Variants in P4HA3 observed in about 807,000 individuals in gnomAD.
P4HA3 encodes prolyl 4-hydroxylase subunit alpha 3, also known as prolyl 4-hydroxylase subunit alpha-3.
A neutral mutation model predicts 66.7 loss-of-function variants in P4HA3; 60 were observed. The ratio of observed to expected loss-of-function variants is 0.90; its 90% CI spans 0.73 to 1.12. P4HA3 has a LOEUF of 1.12. Among genes scored for constraint, P4HA3 ranks in the 50% most tolerant of loss-of-function variants. The pLI is 0.00. For missense variants in P4HA3, 683 were observed against 685.8 expected, an observed-to-expected ratio of 1.00 and a Z score of 0.05; for synonymous variants, 263 against 274.6, an observed-to-expected ratio of 0.96 and a Z score of 0.42.
intron 4 of P4HA3, among the ~76,000 whole-genome samples, chr11:74,291,449 C>A (rs1006909619): frequency 3.3e-5 from 5 of 152,172 alleles, no homozygotes; most frequent in Non-Finnish European, 7.3e-5. Context: ...CCTTCTCCTG[C>A]CTGATTGCCC....
At chr11:74,310,837 A>G (rs1861716900) in intron 1 of P4HA3, among the ~76,000 whole-genome samples, 1 of 152,104 alleles carries the variant, frequency 6.6e-6, no homozygotes, top group Admixed American at 6.5e-5. Flanking sequence ...CTGTCACCTG[A>G]CTCCTAACAC....
At chr11:74,290,357 T>C (rs1036484396) in intron 4 of P4HA3, among the ~76,000 whole-genome samples, 20 of 151,554 alleles carry the variant, frequency 1.3e-4, no homozygotes, top group Non-Finnish European at 2.8e-4. Flanking sequence ...CTTTGTCAGA[T>C]GAGTAGGTTG....
chr11:74,307,491 T>A (rs994495227), intron 1 of P4HA3, among the ~76,000 whole-genome samples: 2 of 152,208 alleles, frequency 1.3e-5, no homozygotes, highest in African/African-American at 4.8e-5. Context: ...AGCACATCAA[T>A]TCAATCCAGT....
intron 10 of P4HA3, 84 bp downstream of exon 10, chr11:74,273,457 AAATC>A: frequency 1.6e-6 from 2 of 1,239,682 alleles, no homozygotes; most frequent in East Asian, 5.5e-5. Flanking sequence ...GTACCAGATA[AAATC>A]AATACGTGAA....
At chr11:74,250,953 G>T in intron 15 of P4HA3, 1 of 1,597,486 alleles carries the variant, frequency 6.3e-7, no homozygotes, top group Non-Finnish European at 8.5e-7. Context: ...TTCCTCTCCA[G>T]GGAAGTTCCA....
At position 74,273,599 on chromosome 11, in the gene P4HA3, G is replaced by C. The variant is rs1053706332; in HGVS notation, c.1344C>G (p.Ser448Arg). The change falls in exon 10 of 13, where the codon AGC (serine) becomes AGG (arginine). Residue 448 changes from serine to arginine, a missense_variant. Ser to Arg is a moderately radical substitution (Grantham distance 110). Coordinates refer to ENST00000331597, the MANE Select transcript of P4HA3 (RefSeq NM_182904.5). ...CTGACTTCATTCTGTAGAGGGGGCTGCTTGGTGACTGAGAAAAAAAAAAAC... is the reference window on the plus strand; with the variant it reads ...CTGACTTCATTCTGTAGAGGGGGCTCCTTGGTGACTGAGAAAAAAAAAAAC... ...EPHFDHATSP[S>R]SPLYRMKSGN... The C allele has an allele frequency of 6.4e-7, 1 of 1,559,070 alleles. No homozygotes were observed. The highest frequency in any genetic ancestry group is 8.6e-7 in the Non-Finnish European group (1 of 1,158,366).
Position 74,255,513 on chromosome 11 carries a change from TTCTC to T in P4HA3, c.*1318+4406_*1318+4409del, listed in dbSNP as rs1021072717. Reference sequence around the variant, plus strand: ...ACACTGTATGGTATGGCAACAAACTTTCTCTCTGCTGTAGTTCACTCATCTGAAA... The same window carrying T: ...ACACTGTATGGTATGGCAACAAACTTTCTGCTGTAGTTCACTCATCTGAAA... On this transcript the variant is annotated intron_variant and NMD_transcript_variant, in intron 15 of 15. Transcript: ENST00000524388. 3.9e-5 allele frequency among the ~76,000 whole-genome samples: 6 copies of T among 152,306 alleles called. No individual in the cohort carries two copies. The South Asian group carries it at 1.2e-3, about 32-fold the overall frequency.
At chr11:74,305,977 G>T (rs560635958) in intron 1 of P4HA3, among the ~76,000 whole-genome samples, 7 of 152,224 alleles carry the variant, frequency 4.6e-5, no homozygotes, top group African/African-American at 1.7e-4. Flanking sequence ...TGATTAATTT[G>T]GCCAGAGCAG....
chr11:74,252,138 G>T (rs1420066794), intron 15 of P4HA3, among the ~76,000 whole-genome samples: 1 of 139,334 alleles, frequency 7.2e-6, no homozygotes, highest in East Asian at 2.1e-4. Context: ...GCACAGTCTT[G>T]GTTCACTGCA....
rs544621336 is a variant in P4HA3, at chr11:74,258,632, T to G, written c.*1318+1291A>C. Among the ~76,000 whole-genome samples, 5 of 151,936 alleles carry G rather than the reference T, an allele frequency of 3.3e-5. No homozygotes were observed. In the South Asian group the frequency reaches 1.0e-3, roughly 32 times the overall value. On this transcript the variant is annotated intron_variant and NMD_transcript_variant, in intron 15 of 15. Transcript: ENST00000524388. Reference sequence around the variant, plus strand: ...TCAGGCCACCTGACTTCCAGACGAGTGCCTTTTTAGTCCCACACCATAGCA... The same window carrying G: ...TCAGGCCACCTGACTTCCAGACGAGGGCCTTTTTAGTCCCACACCATAGCA...
At chr11:74,252,671 A>G (rs976043051) in intron 15 of P4HA3, 9 of 388,838 alleles carry the variant, frequency 2.3e-5, no homozygotes, top group South Asian at 1.3e-4. Flanking sequence ...TACCCACCTG[A>G]TAACAGTAGT....
At chr11:74,293,746 CT>C (rs1565417613) in intron 4 of P4HA3, among the ~76,000 whole-genome samples, 1 of 152,120 alleles carries the variant, frequency 6.6e-6, no homozygotes, top group East Asian at 1.9e-4. Flanking sequence ...GTTGAAAATT[CT>C]TTTCTTTAAG....
intron 11 of P4HA3, among the ~76,000 whole-genome samples, chr11:74,269,027 A>G (rs962875797): frequency 2.0e-5 from 3 of 152,222 alleles, no homozygotes; most frequent in African/African-American, 7.2e-5. Context: ...TCGAATGCTC[A>G]GGATGTGCCA....
chr11:74,262,222 T>C (rs1476153690), downstream of P4HA3, among the ~76,000 whole-genome samples: 1 of 152,154 alleles, frequency 6.6e-6, no homozygotes, highest in Non-Finnish European at 1.5e-5. Flanking sequence ...TAGTACCTCA[T>C]TCCTTTGAGA....
chr11:74,257,453 A>T (rs1406446237), intron 15 of P4HA3, among the ~76,000 whole-genome samples: 1 of 152,116 alleles, frequency 6.6e-6, no homozygotes, highest in African/African-American at 2.4e-5. Context: ...TGAGCCTTGA[A>T]GTATCACAAA....
rs569539474 is a variant in P4HA3 at position 74,286,023 on chromosome 11, G to C, written c.934-38C>G. 311 of 1,564,434 alleles carry C rather than the reference G, an allele frequency of 2.0e-4. 2 individuals carry two copies. The South Asian group carries it at 3.3e-3, about 17-fold the overall frequency. The stretch of plus-strand genomic sequence containing the variant: ...AATAGGATGAGCATAAGAGAAGAAG[G>C]GTCTAGGAGCAAAACTCAACTTAGG... On this transcript the variant is annotated intron_variant, in intron 6 of 12. Transcript: ENST00000331597.
At chr11:74,284,604 G>A (rs1457098190) in intron 7 of P4HA3, among the ~76,000 whole-genome samples, 1 of 152,092 alleles carries the variant, frequency 6.6e-6, no homozygotes, top group African/African-American at 2.4e-5. Context: ...AAACAGCCCT[G>A]TTGCCATGGT....
intron 1 of P4HA3, among the ~76,000 whole-genome samples, chr11:74,308,230 A>G (rs1861627477): frequency 6.6e-6 from 1 of 152,110 alleles, no homozygotes; most frequent in African/African-American, 2.4e-5. Context: ...GCAAACATAA[A>G]GGCTGGGCAC....
intron 3 of P4HA3, 28 bp downstream of exon 3, chr11:74,302,341 C>T (rs1186364208): frequency 6.4e-7 from 1 of 1,568,670 alleles, no homozygotes. Context: ...CAGAGCCAAG[C>T]AATTGGCCCT....
Sources: allele counts gnomAD v4.1 joint callset (sites outside exome capture counted in the v4.1 genomes callset), GRCh38; gene constraint gnomAD v4.1.1; transcripts MANE v1.5; gene names NCBI Gene and HGNC (gene_info 2026-07-23, HGNC 2026-07-21).